KCTD8: variants seen among roughly 807,000 people sequenced by gnomAD.
KCTD8 encodes BTB/POZ domain-containing protein KCTD8.
A neutral mutation model predicts 31.5 loss-of-function variants in KCTD8; 27 were observed. That is an observed-to-expected ratio of 0.86 (90% CI 0.63 to 1.18). The LOEUF (loss-of-function observed/expected upper bound fraction) is 1.18, where lower values mean the gene tolerates loss of function less well. KCTD8 is among the 50% of genes most tolerant of loss of function. The probability of loss-of-function intolerance (pLI) is 0.00; values close to 1 mark genes in which losing one functional copy is unlikely to be tolerated. For synonymous variants in KCTD8, 290 were observed against 280.0 expected (o/e 1.04, Z -0.36); for missense variants, 658 against 647.7 (o/e 1.02, Z -0.17).
intron 1 of KCTD8, among the ~76,000 whole-genome samples, chr4:44,219,015 C>G (rs1000804929): frequency 2.6e-5 from 4 of 152,146 alleles, no homozygotes; most frequent in Admixed American, 1.3e-4. Flanking sequence ...CCTGACTTAT[C>G]CTCCACCACC....
chr4:44,384,219 A>C, intron 1 of KCTD8, among the ~76,000 whole-genome samples: 1 of 151,918 alleles, frequency 6.6e-6, no homozygotes, highest in East Asian at 1.9e-4. Context: ...GTTGGTGGGA[A>C]TGTAAAGTAG....
intron 1 of KCTD8, among the ~76,000 whole-genome samples, chr4:44,370,376 T>A (rs1047215599): frequency 3.0e-4 from 45 of 152,298 alleles, no homozygotes; most frequent in African/African-American, 1.1e-3. Context: ...AAAAGCTATA[T>A]CCCTATGTCC....
intron 1 of KCTD8, among the ~76,000 whole-genome samples, chr4:44,337,656 A>G (rs1413711368): frequency 6.8e-6 from 1 of 146,246 alleles, no homozygotes; most frequent in African/African-American, 2.5e-5. Flanking sequence ...CCTGAGTGAC[A>G]GAGCAAGACT....
chr4:44,301,286 C>G (rs1306581776), intron 1 of KCTD8, among the ~76,000 whole-genome samples: 1 of 152,122 alleles, frequency 6.6e-6, no homozygotes, highest in Non-Finnish European at 1.5e-5. Flanking sequence ...CCTGAGGAAT[C>G]GCCACACTGA....
At chr4:44,224,285 C>G (rs115473658) in intron 1 of KCTD8, among the ~76,000 whole-genome samples, 1,702 of 152,300 alleles carry the variant, frequency 0.011, 34 homozygotes, top group African/African-American at 0.039. Context: ...TCAAGTTACA[C>G]CTCAGCAGAA....
At chr4:44,362,492 A>T (rs1015349936) in intron 1 of KCTD8, among the ~76,000 whole-genome samples, 11 of 152,066 alleles carry the variant, frequency 7.2e-5, no homozygotes, top group African/African-American at 2.7e-4. Flanking sequence ...TGGCTCCTAT[A>T]ATAATATGAG....
chr4:44,213,819 G>T (rs1451941676), intron 1 of KCTD8, among the ~76,000 whole-genome samples: 1 of 152,120 alleles, frequency 6.6e-6, no homozygotes, highest in East Asian at 1.9e-4. Flanking sequence ...ATGTGAATAT[G>T]CCTCCTTAAA....
At chr4:44,349,037 G>A (rs931599482) in intron 1 of KCTD8, among the ~76,000 whole-genome samples, 5 of 151,848 alleles carry the variant, frequency 3.3e-5, no homozygotes, top group African/African-American at 7.3e-5. Context: ...TGATGCTAAT[G>A]TCTATGCTTA....
intron 1 of KCTD8, among the ~76,000 whole-genome samples, chr4:44,340,819 T>A (rs937065802): frequency 1.3e-4 from 20 of 151,774 alleles, no homozygotes; most frequent in Middle Eastern, 3.4e-3. Context: ...ATCAGAAGAG[T>A]GCTTGCCTTG....
intron 1 of KCTD8, among the ~76,000 whole-genome samples, chr4:44,427,244 C>G (rs887702526): frequency 1.3e-5 from 2 of 151,246 alleles, no homozygotes; most frequent in African/African-American, 4.8e-5. Context: ...TACACACTGT[C>G]CTTTTACAGT....
At position 44,179,450 on chromosome 4, in the gene KCTD8, C is replaced by T. The variant is rs184536043; in HGVS notation, c.962-4200G>A. On this transcript the variant is annotated intron_variant, in intron 1 of 1. Coordinates refer to ENST00000360029, the MANE Select transcript of KCTD8 (RefSeq NM_198353.3). ...AAAAAGAACTTAAAATAGTTATACA[C>T]ATTAATTAGAATTAAATATATATTA... Among the ~76,000 whole-genome samples the T allele has an allele frequency of 9.9e-4, 149 of 149,800 alleles. 1 individual carries two copies. The highest frequency in any genetic ancestry group is 3.5e-3 in the African/African-American group (142 of 41,106).
intron 1 of KCTD8, among the ~76,000 whole-genome samples, chr4:44,323,738 A>T (rs1443091288): frequency 6.6e-6 from 1 of 151,924 alleles, no homozygotes; most frequent in Non-Finnish European, 1.5e-5. Flanking sequence ...ACATGGGAAG[A>T]TTTCAAAAGT....
chr4:44,384,714 G>C (rs1430724628), intron 1 of KCTD8, among the ~76,000 whole-genome samples: 2 of 151,690 alleles, frequency 1.3e-5, no homozygotes, highest in Admixed American at 1.3e-4. Context: ...TAGTTACAGT[G>C]TTCTACAGCA....
chr4:44,308,146 A>T (rs1351758350), intron 1 of KCTD8, among the ~76,000 whole-genome samples: 2 of 152,032 alleles, frequency 1.3e-5, no homozygotes, highest in African/African-American at 4.8e-5. Flanking sequence ...TTTATAAATT[A>T]AGAAAAACCT....
At chr4:44,325,658 GATAAA>G (rs1039245580) in intron 1 of KCTD8, among the ~76,000 whole-genome samples, 2 of 151,686 alleles carry the variant, frequency 1.3e-5, no homozygotes, top group Admixed American at 6.6e-5. Context: ...TAATAAAAGT[GATAAA>G]ATAAAATAAA....
chr4:44,369,383 GA>G (rs938753942), intron 1 of KCTD8, among the ~76,000 whole-genome samples: 15 of 152,200 alleles, frequency 9.9e-5, no homozygotes, highest in Non-Finnish European at 2.1e-4. Flanking sequence ...ATGTTCAAAA[GA>G]AAAGACCCAT....
At chr4:44,186,647 G>A (rs62304800) in intron 1 of KCTD8, among the ~76,000 whole-genome samples, 27,925 of 152,066 alleles carry the variant, frequency 0.18, 2,871 homozygotes, top group East Asian at 0.48. Context: ...GCCCGTCTGC[G>A]TCCTCCCCCT....
At chr4:44,343,378 T>TTAA (rs1286713730) in intron 1 of KCTD8, among the ~76,000 whole-genome samples, 26 of 152,312 alleles carry the variant, frequency 1.7e-4, no homozygotes, top group African/African-American at 5.8e-4. Context: ...GCTCACTGTC[T>TTAA]TCTATGGGCA....
At chr4:44,278,456 A>G (rs987064404) in intron 1 of KCTD8, among the ~76,000 whole-genome samples, 24 of 152,058 alleles carry the variant, frequency 1.6e-4, no homozygotes, top group African/African-American at 5.3e-4. Context: ...TTAATATAGT[A>G]GAATGGTAAT....
Sources: allele counts gnomAD v4.1 joint callset (sites outside exome capture counted in the v4.1 genomes callset), GRCh38; gene constraint gnomAD v4.1.1; transcripts MANE v1.5; gene names NCBI Gene and HGNC (gene_info 2026-07-23, HGNC 2026-07-21).